Variants in CDC42BPB observed in about 807,000 individuals in gnomAD.
CDC42BPB encodes the protein CDC42 binding protein kinase beta, also known as serine/threonine-protein kinase MRCK beta.
CDC42BPB carries 37 observed loss-of-function variants against 214.9 expected under a neutral mutation model. That is an observed-to-expected ratio of 0.17 (90% CI 0.13 to 0.23). CDC42BPB has a LOEUF of 0.23. CDC42BPB is among the 10% of genes least tolerant of loss of function. The probability of loss-of-function intolerance (pLI) is 1.00; values close to 1 mark genes in which losing one functional copy is unlikely to be tolerated. For missense variants in CDC42BPB, 1,694 were observed against 2,227.0 expected (o/e 0.76, Z 4.82); for synonymous variants, 931 against 884.0 (o/e 1.05, Z -0.94).
intron 2 of CDC42BPB, among the ~76,000 whole-genome samples, chr14:103,011,016 C>A (rs570184109): frequency 1.1e-4 from 16 of 152,286 alleles, no homozygotes; most frequent in African/African-American, 3.9e-4. Flanking sequence ...GGTGACACAG[C>A]GAGACTCCAT....
intron 4 of CDC42BPB, among the ~76,000 whole-genome samples, chr14:103,003,566 C>T (rs1386166906): frequency 6.6e-6 from 1 of 152,250 alleles, no homozygotes; most frequent in East Asian, 1.9e-4. Flanking sequence ...GGACTCAGCC[C>T]TAGCTGAGAT....
chr14:103,041,707 AG>A (rs1278972797), intron 1 of CDC42BPB: 2 of 556,088 alleles, frequency 3.6e-6, no homozygotes, highest in Non-Finnish European at 6.6e-6. Flanking sequence ...GGAGGAGCTC[AG>A]GGTGGCTGGC....
chr14:102,941,627 A>G lies in CDC42BPB; in HGVS notation c.4409-1303T>C, dbSNP rs1376680725. 22 of 905,102 alleles carry G rather than the reference A, an allele frequency of 2.4e-5. No individual in the cohort carries two copies. In the African/African-American group the frequency reaches 3.6e-4, roughly 15 times the overall value. 56.1% of individuals were successfully genotyped at this position (905,102 alleles called of 1,614,324 possible). On this transcript the variant is annotated intron_variant, in intron 30 of 36. Coordinates refer to ENST00000361246, the MANE Select transcript of CDC42BPB (RefSeq NM_006035.4). Reference sequence around the variant, plus strand: ...GGGATTCGCTTGCAAGGAAGCAGGAAGAAGTCTAGTTTGCTGACTCAGTGA... The same window carrying G: ...GGGATTCGCTTGCAAGGAAGCAGGAGGAAGTCTAGTTTGCTGACTCAGTGA...
intron 36 of CDC42BPB, among the ~76,000 whole-genome samples, chr14:102,934,451 G>A (rs1257515781): frequency 1.3e-5 from 2 of 152,082 alleles, no homozygotes; most frequent in East Asian, 1.9e-4. Context: ...GGAGAATGGC[G>A]TGAACCCGGG....
chr14:103,028,675 A>G (rs1335115022), intron 1 of CDC42BPB, among the ~76,000 whole-genome samples: 1 of 152,196 alleles, frequency 6.6e-6, no homozygotes, highest in Non-Finnish European at 1.5e-5. Flanking sequence ...CAGCTTCCAG[A>G]AGGTTCTTCC....
chr14:103,028,135 TAAGTA>T (rs1887153341), intron 1 of CDC42BPB, among the ~76,000 whole-genome samples: 1 of 151,988 alleles, frequency 6.6e-6, no homozygotes. Context: ...TTCTCAAAAA[TAAGTA>T]AATAAAACAA....
intron 1 of CDC42BPB, among the ~76,000 whole-genome samples, chr14:103,046,699 G>A (rs1310910094): frequency 2.6e-5 from 4 of 152,076 alleles, no homozygotes; most frequent in African/African-American, 7.2e-5. Context: ...TGTCACCCAG[G>A]CTGGTGTGCA....
chr14:102,974,291 C>CACACAG (rs1555388793), intron 11 of CDC42BPB, 142 bp from the exon 12 acceptor site: 11 of 1,424,416 alleles, frequency 7.7e-6, no homozygotes, highest in African/African-American at 2.9e-5. Flanking sequence ...TACACACACA[C>CACACAG]ACACACACAC....
intron 30 of CDC42BPB, among the ~76,000 whole-genome samples, chr14:102,942,810 T>A (rs1872377167): frequency 6.6e-6 from 1 of 151,902 alleles, no homozygotes; most frequent in Non-Finnish European, 1.5e-5. Context: ...GTTCAAGCAA[T>A]CCTCCTGTCT....
At chr14:103,008,786 CT>C in intron 2 of CDC42BPB, 1 of 584,968 alleles carries the variant, frequency 1.7e-6, no homozygotes, top group Non-Finnish European at 2.2e-6. Flanking sequence ...AAATTCACCC[CT>C]TTATGGCTCG....
At position 102,939,185 on chromosome 14, in the gene CDC42BPB, C is replaced by T. The variant is rs543392468; in HGVS notation, c.4827+425G>A. Among the ~76,000 whole-genome samples, 19 of 152,214 alleles carry T rather than the reference C, an allele frequency of 1.2e-4. No individual in the cohort carries two copies. The East Asian group carries it at 2.1e-3, about 17-fold the overall frequency. ...CGATCTCCTGACCTCGTGATCCGCCCGCCTCGGCCTCCCAAAGTGCTGGGA... is the reference window on the plus strand; with the variant it reads ...CGATCTCCTGACCTCGTGATCCGCCTGCCTCGGCCTCCCAAAGTGCTGGGA... On this transcript the variant is annotated intron_variant, in intron 34 of 36. Coordinates refer to ENST00000361246, the MANE Select transcript of CDC42BPB (RefSeq NM_006035.4).
Position 102,944,160 on chromosome 14 carries a change from G to A in CDC42BPB, c.4139C>T (p.Ala1380Val), listed in dbSNP as rs759334009. 5.6e-6 allele frequency: 9 copies of A among 1,613,202 alleles called. No homozygotes were observed. Among genetic ancestry groups the A allele is most frequent in the East Asian group, 2.2e-5 (1 of 44,862 alleles). The change falls in exon 30 of 37, where the codon GCG (alanine) becomes GTG (valine). Residue 1380 changes from alanine to valine, a missense_variant. By Grantham distance (64) the Ala-to-Val change is moderately conservative. Around this residue, in one of 7 missense-constraint regions of CDC42BPB, gnomAD observed 567 missense variants for 790.3 expected, o/e 0.72. Coordinates refer to ENST00000361246, the MANE Select transcript of CDC42BPB (RefSeq NM_006035.4). This position sits in a 1 kb window ranked among gnomAD's most constrained non-coding sequence, Gnocchi z 6.6. ...IVAPGSVQCL[A>V]VLRDRLCVGY... ...CACACAGAGCCTGTCCCTGAGCACC[G>A]CCAGGCACTGCACGCTGCCGGGAGC... is the stretch of plus-strand genomic sequence containing the variant.
rs771270402 is a variant in CDC42BPB, at chr14:102,967,037, C to T, written c.2471+9G>A. ...GGATTCACGGCCGCTAATGGGGCCG[C>T]GCACGTACCACTGAATGATTTCCGC... On this transcript the variant is annotated intron_variant, in intron 17 of 36. Coordinates refer to ENST00000361246, the MANE Select transcript of CDC42BPB (RefSeq NM_006035.4). The T allele has an allele frequency of 2.7e-5, 44 of 1,612,976 alleles. No homozygotes were observed. Among genetic ancestry groups the T allele is most frequent in the Middle Eastern group, 1.8e-4 (1 of 5,476 alleles).
In CDC42BPB at chr14:102,933,972, AAC is replaced by A. The variant is rs1253615209; in HGVS notation, c.5005-131_5005-130del. The A allele has an allele frequency of 6.5e-5, 91 of 1,404,028 alleles. No individual in the cohort carries two copies. In the Middle Eastern group the frequency reaches 2.8e-3, roughly 43 times the overall value. 87.0% of individuals were successfully genotyped at this position (1,404,028 alleles called of 1,614,324 possible). A position where few individuals can be genotyped will look rare whatever the true frequency, so the allele number is the denominator to read the frequency against. ...TGCTCTTCTCCCTTCATGTTATGAA[AAC>A]ACACACGCTCTACACCAGCGATTCG... is the stretch of plus-strand genomic sequence containing the variant. On this transcript the variant is annotated intron_variant, in intron 36 of 36. Coordinates refer to ENST00000361246, the MANE Select transcript of CDC42BPB (RefSeq NM_006035.4).
In CDC42BPB at chr14:102,944,919, G is replaced by A. The variant is rs1892083194; in HGVS notation, c.3812-432C>T. ...ACAAAGAGCTGTCCCCAACCCACTG[G>A]GACCCTGAGACAAATCCTCTGAAGA... On this transcript the variant is annotated intron_variant, in intron 29 of 36. Transcript: ENST00000361246. The surrounding 1 kb of genome is among the most constrained non-coding windows in gnomAD (Gnocchi z 6.6). 6.6e-6 allele frequency among the ~76,000 whole-genome samples: 1 copy of A among 152,142 alleles called. No individual in the cohort carries two copies. The highest frequency in any genetic ancestry group is 2.1e-4 in the South Asian group (1 of 4,822).
At chr14:102,946,103 G>T (rs1892155247) in intron 28 of CDC42BPB, among the ~76,000 whole-genome samples, 2 of 152,184 alleles carry the variant, frequency 1.3e-5, no homozygotes, top group South Asian at 4.1e-4. Context: ...CTGCCTCCTG[G>T]GTTCATGCTG....
At chr14:103,006,028 A>T (rs540404477) in intron 3 of CDC42BPB, among the ~76,000 whole-genome samples, 1 of 152,144 alleles carries the variant, frequency 6.6e-6, no homozygotes, top group Admixed American at 6.6e-5. Flanking sequence ...AAAAAAAAAA[A>T]AAAAAAAGAT....
chr14:102,990,106 G>A (rs1169244830), intron 5 of CDC42BPB, among the ~76,000 whole-genome samples: 1 of 152,136 alleles, frequency 6.6e-6, no homozygotes, highest in Admixed American at 6.6e-5. Context: ...TTGGAAGCAC[G>A]CTAACGTCCT....
At chr14:103,036,927 C>T (rs1887696185) in intron 1 of CDC42BPB, among the ~76,000 whole-genome samples, 1 of 152,116 alleles carries the variant, frequency 6.6e-6, no homozygotes, top group South Asian at 2.1e-4. Flanking sequence ...AGCAATTCTC[C>T]TGCCTCAGCC....
Sources: gnomAD v4.1 joint callset for allele counts (sites outside exome capture counted in the v4.1 genomes callset) on GRCh38, gnomAD v4.1.1 for gene constraint, gnomAD v4.1.1 regional missense constraint, Gnocchi (gnomAD v3.1) non-coding constraint, MANE v1.5 for transcripts, NCBI Gene and HGNC (gene_info 2026-07-23, HGNC 2026-07-21) for gene names.